Variants in HPCAL1 observed in about 807,000 individuals in gnomAD.
The protein encoded by HPCAL1 is hippocalcin like 1, also known as hippocalcin-like protein 1.
A neutral mutation model predicts 17.1 loss-of-function variants in HPCAL1; 8 were observed. That is an observed-to-expected ratio of 0.47 (90% CI 0.27 to 0.84). The LOEUF (loss-of-function observed/expected upper bound fraction) is 0.84. Ranked by LOEUF, HPCAL1 falls within the 40% of genes least tolerant of loss-of-function variation. The pLI is 0.13. For missense variants in HPCAL1, 165 were observed against 271.1 expected, an observed-to-expected ratio of 0.61 and a Z score of 2.75; for synonymous variants, 112 against 111.4, an observed-to-expected ratio of 1.01 and a Z score of -0.03.
chr2:10,366,883 G>A (rs1243274519), intron 1 of HPCAL1, among the ~76,000 whole-genome samples: 3 of 152,222 alleles, frequency 2.0e-5, no homozygotes, highest in African/African-American at 7.2e-5. Context: ...GGGGCCGGGG[G>A]CAGCTCTGAG....
intron 4 of HPCAL1, chr2:10,424,562 G>C (rs776677838): frequency 6.4e-6 from 3 of 470,984 alleles, no homozygotes; most frequent in Non-Finnish European, 1.3e-5. Flanking sequence ...CTCGCTGCCC[G>C]AATCTGCCTC....
At chr2:10,306,604 CG>C (rs902613132) in intron 1 of HPCAL1, among the ~76,000 whole-genome samples, 8 of 151,942 alleles carry the variant, frequency 5.3e-5, no homozygotes, top group Admixed American at 4.6e-4. Context: ...AGTTACCCTA[CG>C]GAAAAAAGGT....
rs978347921 is a variant in HPCAL1 at position 10,426,876 on chromosome 2, C to G, written c.*55C>G. ...ACACAGGCTTGTCGTGCCGTTTAAG[C>G]TTTGCTTGCAAGAGTGGATGCCCCG... On this transcript the variant is annotated 3_prime_UTR_variant, in exon 5 of 5. Coordinates refer to ENST00000307845, the MANE Select transcript of HPCAL1 (RefSeq NM_002149.4). 1.3e-6 allele frequency: 2 copies of G among 1,503,236 alleles called. No individual in the cohort carries two copies. Among genetic ancestry groups the G allele is most frequent in the East Asian group, 4.5e-5 (2 of 44,270 alleles). The allele number at this position is 1,503,236 out of a possible 1,614,324, so 93.1% of individuals were successfully genotyped here. A position where few individuals can be genotyped will look rare whatever the true frequency, so the allele number is the denominator to read the frequency against.
In HPCAL1 at chr2:10,344,948, C is replaced by A. The variant is rs1558473662; in HGVS notation, c.-111+41771C>A. On this transcript the variant is annotated intron_variant, in intron 1 of 4. Coordinates refer to ENST00000307845, the MANE Select transcript of HPCAL1 (RefSeq NM_002149.4). This position sits in a 1 kb window ranked among gnomAD's most constrained non-coding sequence, Gnocchi z 4.9. ...CTCTGTGCCTTTCAGTCTCTTTCTGCCTCTCTCTATGTGTCCATCTCTCTC... is the reference window on the plus strand; with the variant it reads ...CTCTGTGCCTTTCAGTCTCTTTCTGACTCTCTCTATGTGTCCATCTCTCTC... 7.5e-6 allele frequency among the ~76,000 whole-genome samples: 1 copy of A among 132,484 alleles called. No homozygotes were observed. The highest frequency in any genetic ancestry group is 1.6e-5 in the Non-Finnish European group (1 of 61,666). 86.9% of individuals were successfully genotyped at this position (132,484 alleles called of 152,430 possible). A position where few individuals can be genotyped will look rare whatever the true frequency, so the allele number is the denominator to read the frequency against.
intron 2 of HPCAL1, among the ~76,000 whole-genome samples, chr2:10,403,452 TTTTGTGTGTGTGTGTGTGTG>T (rs1316940248): frequency 0.011 from 1,643 of 144,380 alleles, 51 homozygotes; most frequent in African/African-American, 0.04. Context: ...CAAAGAGTTC[TTTTGTGTGTGTGTGTGTGTG>T]TGTGTGTGTG....
chr2:10,314,633 T>C (rs909503057), intron 1 of HPCAL1, among the ~76,000 whole-genome samples: 1 of 152,194 alleles, frequency 6.6e-6, no homozygotes, highest in Admixed American at 6.5e-5. Context: ...CTCATTATAA[T>C]GATGTCTTTA....
rs1013843184 is a variant in HPCAL1, at chr2:10,359,754, C to A, written c.-110-37081C>A. On this transcript the variant is annotated intron_variant, in intron 1 of 4. Transcript: ENST00000307845. The surrounding 1 kb of genome is among the most constrained non-coding windows in gnomAD (Gnocchi z 4.1). Reference sequence around the variant, plus strand: ...GCACCTCTCCACTCTGAGGAAGGGGCCTTACCCAGATCCCCGTGTCCCCCA... The same window carrying A: ...GCACCTCTCCACTCTGAGGAAGGGGACTTACCCAGATCCCCGTGTCCCCCA... 2.6e-5 allele frequency among the ~76,000 whole-genome samples: 4 copies of A among 152,174 alleles called. No individual in the cohort carries two copies. Among genetic ancestry groups the A allele is most frequent in the African/African-American group, 7.2e-5 (3 of 41,446 alleles).
chr2:10,420,033 C>A lies in HPCAL1; in HGVS notation c.276C>A (p.Thr92=). 1 of 1,613,972 alleles carries A rather than the reference C, an allele frequency of 6.2e-7. No homozygotes were observed. The highest frequency in any genetic ancestry group is 1.3e-5 in the African/African-American group (1 of 75,052). Residue 92 remains threonine, a synonymous_variant, in exon 3 of 5, where the codon ACC becomes ACA. Transcript: ENST00000307845. ...AGTTCATCATTGCGCTGAGCGTGAC[C>A]TCGCGGGGCAAGCTGGAGCAGAAGC... ...FREFIIALSV[T]SRGKLEQKLK...
At chr2:10,336,372 T>A (rs6745456) in intron 1 of HPCAL1, among the ~76,000 whole-genome samples, 7,195 of 152,324 alleles carry the variant, frequency 0.047, 563 homozygotes, top group African/African-American at 0.16. Flanking sequence ...ACTCTGCTTT[T>A]TTCAGTTAGC....
In HPCAL1 at chr2:10,419,838, G is replaced by A; in HGVS notation, c.81G>A (p.Leu27=). 6.2e-7 allele frequency: 1 copy of A among 1,613,766 alleles called. No homozygotes were observed. The highest frequency in any genetic ancestry group is 8.5e-7 in the Non-Finnish European group (1 of 1,179,960). The change falls in exon 3 of 5, where the codon CTG becomes CTA. Residue 27 remains leucine (L), a synonymous_variant. Coordinates refer to ENST00000307845, the MANE Select transcript of HPCAL1 (RefSeq NM_002149.4). The surrounding 1 kb of genome is among the most constrained non-coding windows in gnomAD (Gnocchi z 5.0). ...RENTEFTDHE[L]QEWYKGFLKD... ...ACACGGAGTTCACCGACCACGAGCT[G>A]CAGGAGTGGTACAAGGGCTTCCTCA...
intron 1 of HPCAL1, among the ~76,000 whole-genome samples, chr2:10,389,080 G>C (rs1193406791): frequency 6.6e-6 from 1 of 152,144 alleles, no homozygotes; most frequent in Non-Finnish European, 1.5e-5. Context: ...ACAGGGCCAG[G>C]GTAGAAACAG....
intron 1 of HPCAL1, among the ~76,000 whole-genome samples, chr2:10,340,132 C>G (rs186735548): frequency 4.8e-4 from 73 of 152,350 alleles, no homozygotes; most frequent in African/African-American, 1.7e-3. Context: ...TTCCCCCATC[C>G]CTGCCTCGGC....
intron 2 of HPCAL1, among the ~76,000 whole-genome samples, chr2:10,408,401 G>C (rs876616): frequency 6.6e-6 from 1 of 152,006 alleles, no homozygotes; most frequent in Non-Finnish European, 1.5e-5. Flanking sequence ...CATTGGCCTG[G>C]AGCCCCTCCA....
intron 1 of HPCAL1, among the ~76,000 whole-genome samples, chr2:10,317,266 T>C (rs1663375952): frequency 6.6e-6 from 1 of 152,202 alleles, no homozygotes; most frequent in Admixed American, 6.5e-5. Context: ...TTATGAATCC[T>C]ACATAACCCT....
intron 2 of HPCAL1, among the ~76,000 whole-genome samples, chr2:10,409,880 T>G (rs1458416201): frequency 1.5e-5 from 2 of 135,010 alleles, no homozygotes; most frequent in Admixed American, 1.7e-4. Context: ...ACCTCCACCC[T>G]CCGGGTTCAA....
intron 1 of HPCAL1, among the ~76,000 whole-genome samples, chr2:10,338,505 G>A (rs574082748): frequency 1.3e-5 from 2 of 152,280 alleles, no homozygotes; most frequent in East Asian, 1.9e-4. Flanking sequence ...ATGAGACTCC[G>A]TGAGATGAAG....
At chr2:10,405,227 T>C (rs1031493647) in intron 2 of HPCAL1, among the ~76,000 whole-genome samples, 2 of 152,224 alleles carry the variant, frequency 1.3e-5, no homozygotes, top group African/African-American at 4.8e-5. Flanking sequence ...GTCTGCGGGC[T>C]GCTCCCAGCA....
At chr2:10,421,518 T>C (rs1181970830) in intron 3 of HPCAL1, among the ~76,000 whole-genome samples, 2 of 151,980 alleles carry the variant, frequency 1.3e-5, no homozygotes, top group African/African-American at 2.4e-5. Context: ...CTGGGCAATA[T>C]AGTGAGACTC....
At position 10,362,967 on chromosome 2, in the gene HPCAL1, C is replaced by T. The variant is rs1389667526; in HGVS notation, c.-110-33868C>T. 2.0e-5 allele frequency among the ~76,000 whole-genome samples: 3 copies of T among 152,096 alleles called. No homozygotes were observed. The highest frequency in any genetic ancestry group is 4.8e-5 in the African/African-American group (2 of 41,416). Reference sequence around the variant, plus strand: ...TCCCAGAGTCACACAGCTAGGTGCCCCTTTGATGGTTCTCTCAGTGACTCA... The same window carrying T: ...TCCCAGAGTCACACAGCTAGGTGCCTCTTTGATGGTTCTCTCAGTGACTCA... On this transcript the variant is annotated intron_variant, in intron 1 of 4. Coordinates refer to ENST00000307845, the MANE Select transcript of HPCAL1 (RefSeq NM_002149.4). This position sits in a 1 kb window ranked among gnomAD's most constrained non-coding sequence, Gnocchi z 5.0.
Sources: gnomAD v4.1 joint callset for allele counts (sites outside exome capture counted in the v4.1 genomes callset) on GRCh38, gnomAD v4.1.1 for gene constraint, Gnocchi (gnomAD v3.1) non-coding constraint, MANE v1.5 for transcripts, NCBI Gene and HGNC (gene_info 2026-07-23, HGNC 2026-07-21) for gene names.